Variants in CFAP61 observed in about 807,000 individuals in gnomAD.
CFAP61 encodes cilia and flagella associated protein 61, also known as cilia- and flagella-associated protein 61.
A neutral mutation model predicts 135.6 loss-of-function variants in CFAP61; 107 were observed. That is an observed-to-expected ratio of 0.79 (90% CI 0.67 to 0.93). The LOEUF (loss-of-function observed/expected upper bound fraction) is 0.93, where lower values mean the gene tolerates loss of function less well. Ranked by LOEUF, CFAP61 falls within the 40% of genes least tolerant of loss-of-function variation. CFAP61 has a pLI of 0.00. For missense variants in CFAP61, 1,507 were observed against 1,556.2 expected, an observed-to-expected ratio of 0.97 and a Z score of 0.53; for synonymous variants, 575 against 578.5, an observed-to-expected ratio of 0.99 and a Z score of 0.09.
chr20:20,134,003 C>T (rs181925290), intron 8 of CFAP61, among the ~76,000 whole-genome samples: 1 of 152,332 alleles, frequency 6.6e-6, no homozygotes, highest in Non-Finnish European at 1.5e-5. Flanking sequence ...ATACTGAGTG[C>T]ATCCCATATA....
At chr20:20,059,149 G>A (rs1298531995) in intron 2 of CFAP61, among the ~76,000 whole-genome samples, 1 of 151,758 alleles carries the variant, frequency 6.6e-6, no homozygotes, top group African/African-American at 2.4e-5. Context: ...GCCAACAGGT[G>A]AAACCCCATC....
At chr20:20,313,222 A>G (rs1442655787) in intron 25 of CFAP61, among the ~76,000 whole-genome samples, 1 of 152,214 alleles carries the variant, frequency 6.6e-6, no homozygotes, top group Non-Finnish European at 1.5e-5. Flanking sequence ...ATGTGAGGAC[A>G]CAGCAGGAAG....
intron 8 of CFAP61, among the ~76,000 whole-genome samples, chr20:20,105,511 A>T (rs1028647886): frequency 1.3e-5 from 2 of 152,106 alleles, no homozygotes; most frequent in African/African-American, 4.8e-5. Flanking sequence ...TGGTTCTTTG[A>T]TGCCTGTACT....
intron 26 of CFAP61, among the ~76,000 whole-genome samples, chr20:20,356,254 C>A (rs554802835): frequency 1.1e-5 from 1 of 94,774 alleles, no homozygotes; most frequent in Non-Finnish European, 2.0e-5. Context: ...GGTCATACTG[C>A]GAGTGGAGGT....
intron 19 of CFAP61, among the ~76,000 whole-genome samples, chr20:20,248,459 G>T (rs1271237780): frequency 2.0e-5 from 3 of 152,130 alleles, no homozygotes; most frequent in Admixed American, 1.3e-4. Flanking sequence ...ATTATTGTTA[G>T]AATTTTTGAA....
At chr20:20,134,928 A>G (rs562871920) in intron 8 of CFAP61, among the ~76,000 whole-genome samples, 15 of 152,074 alleles carry the variant, frequency 9.9e-5, no homozygotes, top group East Asian at 5.8e-4. Context: ...TGGCCTCACT[A>G]AAGACACCCT....
intron 25 of CFAP61, among the ~76,000 whole-genome samples, chr20:20,334,101 G>A (rs932184753): frequency 2.6e-5 from 4 of 152,192 alleles, no homozygotes; most frequent in Non-Finnish European, 5.9e-5. Flanking sequence ...CAGGGTGTGG[G>A]AGGCACCTAG....
intron 8 of CFAP61, among the ~76,000 whole-genome samples, chr20:20,135,990 A>ATT (rs55793104): frequency 7.2e-5 from 11 of 152,084 alleles, no homozygotes; most frequent in Non-Finnish European, 1.0e-4. Flanking sequence ...TTTGAAGGAT[A>ATT]TTTTTGCCAG....
chr20:20,082,145 G>C (rs1600508127), intron 6 of CFAP61, among the ~76,000 whole-genome samples: 1 of 152,158 alleles, frequency 6.6e-6, no homozygotes, highest in South Asian at 2.1e-4. Flanking sequence ...TGCCTCTTAG[G>C]TTGCCTCCTT....
At chr20:20,106,272 G>A (rs1002883652) in intron 8 of CFAP61, among the ~76,000 whole-genome samples, 3 of 151,924 alleles carry the variant, frequency 2.0e-5, no homozygotes, top group African/African-American at 7.3e-5. Context: ...TGACCCCAAA[G>A]CCATCTTGGT....
In CFAP61 at chr20:20,359,398, C is replaced by T. The variant is rs1028785983; in HGVS notation, c.3514-812C>T. ...TTAAAACAGAGGCAGGGCGTGGTGG[C>T]TCATGCCTGTAATCCCAGCACTTTG... is the stretch of plus-strand genomic sequence containing the variant. On this transcript the variant is annotated intron_variant, in intron 26 of 26. Coordinates refer to ENST00000245957, the MANE Select transcript of CFAP61 (RefSeq NM_015585.4). This position sits in a 1 kb window ranked among gnomAD's most constrained non-coding sequence, Gnocchi z 4.0. Among the ~76,000 whole-genome samples, 1 of 152,000 alleles carries T rather than the reference C, an allele frequency of 6.6e-6. No homozygotes were observed. Among genetic ancestry groups the T allele is most frequent in the Non-Finnish European group, 1.5e-5 (1 of 68,028 alleles).
chr20:20,301,399 C>T (rs1262509775), intron 25 of CFAP61, among the ~76,000 whole-genome samples: 1 of 152,178 alleles, frequency 6.6e-6, no homozygotes, highest in Non-Finnish European at 1.5e-5. Flanking sequence ...TGTAAGTGCA[C>T]TCTAGGATGG....
At chr20:20,234,186 A>G (rs954790679) in intron 18 of CFAP61, among the ~76,000 whole-genome samples, 1 of 152,206 alleles carries the variant, frequency 6.6e-6, no homozygotes, top group Admixed American at 6.5e-5. Flanking sequence ...AAGTGAGGAT[A>G]GCCACAAAGC....
chr20:20,134,013 A>T (rs1481456558), intron 8 of CFAP61, among the ~76,000 whole-genome samples: 1 of 152,028 alleles, frequency 6.6e-6, no homozygotes, highest in Non-Finnish European at 1.5e-5. Context: ...CATCCCATAT[A>T]CTAGACTTTA....
intron 24 of CFAP61, among the ~76,000 whole-genome samples, chr20:20,297,262 G>A (rs2055710937): frequency 6.6e-6 from 1 of 152,178 alleles, no homozygotes; most frequent in Admixed American, 6.5e-5. Context: ...GTAAATGTTT[G>A]GGATCCAGGC....
chr20:20,308,721 G>A lies in CFAP61; in HGVS notation c.3422+10335G>A, dbSNP rs2056632122. Among the ~76,000 whole-genome samples, 2 of 152,270 alleles carry A rather than the reference G, an allele frequency of 1.3e-5. 1 individual carries two copies. Among genetic ancestry groups the A allele is most frequent in the East Asian group, 3.9e-4 (2 of 5,188 alleles). On this transcript the variant is annotated intron_variant, in intron 25 of 26. Coordinates refer to ENST00000245957, the MANE Select transcript of CFAP61 (RefSeq NM_015585.4). ...GATTTGGGGTTTAGGAATGCTGACTGGTAGGTTCAGAACTGACTTCCATCC... is the reference window on the plus strand; with the variant it reads ...GATTTGGGGTTTAGGAATGCTGACTAGTAGGTTCAGAACTGACTTCCATCC...
At chr20:20,232,071 T>C (rs901443000) in intron 18 of CFAP61, among the ~76,000 whole-genome samples, 22 of 152,196 alleles carry the variant, frequency 1.4e-4, no homozygotes, top group Non-Finnish European at 2.9e-5. Flanking sequence ...AGAAAGAGCT[T>C]GGCCTCAGCC....
chr20:20,204,143 C>T (rs1214955365), intron 17 of CFAP61, among the ~76,000 whole-genome samples: 1 of 152,118 alleles, frequency 6.6e-6, no homozygotes, highest in South Asian at 2.1e-4. Context: ...AGAATTGTAG[C>T]GTGAACTCAC....
chr20:20,277,137 A>G (rs765657401), intron 21 of CFAP61, 29 bp from the exon 22 acceptor site: 36 of 1,558,800 alleles, frequency 2.3e-5, no homozygotes, highest in Non-Finnish European at 2.5e-5. Context: ...TCTGAACTGT[A>G]TATCTTAGCG....
Sources: gnomAD v4.1 joint callset for allele counts (sites outside exome capture counted in the v4.1 genomes callset) on GRCh38, gnomAD v4.1.1 for gene constraint, Gnocchi (gnomAD v3.1) non-coding constraint, MANE v1.5 for transcripts, NCBI Gene and HGNC (gene_info 2026-07-23, HGNC 2026-07-21) for gene names.